SLC25A13: variants seen among roughly 807,000 people sequenced by gnomAD.
SLC25A13 encodes electrogenic aspartate/glutamate antiporter SLC25A13, mitochondrial.
Under a neutral mutation model 85.5 loss-of-function variants are expected in SLC25A13, and 70 were observed. The ratio of observed to expected loss-of-function variants is 0.82; its 90% CI spans 0.68 to 1.00. The LOEUF (loss-of-function observed/expected upper bound fraction) is 1.00, where lower values mean the gene tolerates loss of function less well. Among genes scored for constraint, SLC25A13 ranks in the 50% least tolerant of loss-of-function variants. SLC25A13 has a pLI of 0.00. For missense variants in SLC25A13, 765 were observed against 819.8 expected (o/e 0.93, Z 0.82); for synonymous variants, 259 against 288.7 (o/e 0.90, Z 1.04).
intron 14 of SLC25A13, among the ~76,000 whole-genome samples, chr7:96,134,548 A>C (rs1366751260): frequency 6.6e-6 from 1 of 151,970 alleles, no homozygotes; most frequent in African/African-American, 2.4e-5. Context: ...AACATCCCTG[A>C]GGCACAGGAA....
intron 4 of SLC25A13, among the ~76,000 whole-genome samples, chr7:96,212,847 G>T (rs572771298): frequency 6.6e-6 from 1 of 152,248 alleles, no homozygotes; most frequent in East Asian, 1.9e-4. Flanking sequence ...AAAAAGGCCT[G>T]AAGTTGTTTA....
chr7:96,130,527 C>T (rs1250920380), intron 15 of SLC25A13, among the ~76,000 whole-genome samples: 3 of 152,172 alleles, frequency 2.0e-5, no homozygotes, highest in Non-Finnish European at 4.4e-5. Context: ...CAAGGTCACA[C>T]ATTAATAAGT....
intron 4 of SLC25A13, among the ~76,000 whole-genome samples, chr7:96,220,655 T>C (rs1183574297): frequency 6.6e-6 from 1 of 152,154 alleles, no homozygotes; most frequent in Non-Finnish European, 1.5e-5. Context: ...TTTAAAATAG[T>C]CAAATTTTCC....
intron 1 of SLC25A13, 61 bp downstream of exon 1, chr7:96,321,881 C>T (rs1462061210): frequency 2.7e-6 from 4 of 1,490,264 alleles, no homozygotes; most frequent in Non-Finnish European, 3.6e-6. Context: ...GCGCCCGAGC[C>T]TCTCGCACCC....
chr7:96,302,437 G>C (rs1255091680), intron 1 of SLC25A13, among the ~76,000 whole-genome samples: 1 of 152,140 alleles, frequency 6.6e-6, no homozygotes, highest in Non-Finnish European at 1.5e-5. Flanking sequence ...GGTATAGAAT[G>C]GTGTATTCAA....
At chr7:96,245,818 A>G (rs1257330460) in intron 3 of SLC25A13, among the ~76,000 whole-genome samples, 3 of 152,246 alleles carry the variant, frequency 2.0e-5, no homozygotes, top group Non-Finnish European at 4.4e-5. Flanking sequence ...AAAAAGGGAA[A>G]AGTAATTGTA....
chr7:96,169,983 A>C (rs1299765833), intron 13 of SLC25A13, 62 bp downstream of exon 13: 1 of 1,496,104 alleles, frequency 6.7e-7, no homozygotes, highest in Non-Finnish European at 9.3e-7. Context: ...CCTGTTGACC[A>C]TGGTAGTGAT....
chr7:96,191,096 T>A lies in SLC25A13; in HGVS notation c.754+13A>T. ...ATACTTGCAGGCTAGAATTCAGATA[T>A]ATTCTCACTCACCCTTAGTCACTTC... On this transcript the variant is annotated intron_variant, in intron 7 of 17. Transcript: ENST00000265631. 1 of 1,613,902 alleles carries A rather than the reference T, an allele frequency of 6.2e-7. No individual in the cohort carries two copies. Among genetic ancestry groups the A allele is most frequent in the Admixed American group, 1.7e-5 (1 of 60,018 alleles).
At chr7:96,145,622 A>G (rs1334830537) in intron 14 of SLC25A13, among the ~76,000 whole-genome samples, 3 of 152,214 alleles carry the variant, frequency 2.0e-5, no homozygotes, top group Non-Finnish European at 4.4e-5. Context: ...TGCAGGAACA[A>G]TATCATACAT....
chr7:96,319,659 C>T (rs1800264823), intron 1 of SLC25A13, among the ~76,000 whole-genome samples: 1 of 152,098 alleles, frequency 6.6e-6, no homozygotes, highest in Non-Finnish European at 1.5e-5. Context: ...ATGCAATCAC[C>T]TCTAGTAAGC....
At chr7:96,241,738 A>T (rs1797005816) in intron 3 of SLC25A13, among the ~76,000 whole-genome samples, 1 of 152,228 alleles carries the variant, frequency 6.6e-6, no homozygotes, top group Non-Finnish European at 1.5e-5. Context: ...ATAAAAATTC[A>T]TATGAAACAA....
Position 96,318,063 on chromosome 7 carries a change from C to T in SLC25A13, c.15+3879G>A, listed in dbSNP as rs1182753415. Among the ~76,000 whole-genome samples, 4 of 152,154 alleles carry T rather than the reference C, an allele frequency of 2.6e-5. No homozygotes were observed. In the East Asian group the frequency reaches 7.7e-4, roughly 29 times the overall value. On this transcript the variant is annotated intron_variant, in intron 1 of 17. Coordinates refer to ENST00000265631, the MANE Select transcript of SLC25A13 (RefSeq NM_014251.3). The stretch of plus-strand genomic sequence containing the variant: ...ATCAATGATCACAGCAACAACTCAT[C>T]CAAGAATGAAAAGTCAATACAAAGT...
intron 15 of SLC25A13, among the ~76,000 whole-genome samples, chr7:96,123,568 T>C (rs1466920104): frequency 6.6e-6 from 1 of 152,224 alleles, no homozygotes; most frequent in Non-Finnish European, 1.5e-5. Context: ...CCTAGTAAGT[T>C]GCCTGGCAAA....
chr7:96,198,600 A>G (rs1032838244), intron 5 of SLC25A13, among the ~76,000 whole-genome samples: 4 of 152,250 alleles, frequency 2.6e-5, no homozygotes, highest in Admixed American at 6.5e-5. Context: ...TAACTAGCCT[A>G]AAGTCACACA....
At chr7:96,242,590 A>G (rs1163404710) in intron 3 of SLC25A13, among the ~76,000 whole-genome samples, 1 of 152,186 alleles carries the variant, frequency 6.6e-6, no homozygotes, top group East Asian at 1.9e-4. Flanking sequence ...TTCCCTCTGA[A>G]GCCTGCTACC....
chr7:96,228,913 C>T (rs1177728826), intron 4 of SLC25A13, among the ~76,000 whole-genome samples: 2 of 152,160 alleles, frequency 1.3e-5, no homozygotes, highest in South Asian at 2.1e-4. Flanking sequence ...ACGCTGCACT[C>T]GAATTCTCAC....
intron 13 of SLC25A13, among the ~76,000 whole-genome samples, chr7:96,156,477 A>G (rs1793268101): frequency 6.6e-6 from 1 of 150,618 alleles, no homozygotes; most frequent in Non-Finnish European, 1.5e-5. Context: ...TTTGAGACAG[A>G]ATCTCCGTCT....
intron 3 of SLC25A13, among the ~76,000 whole-genome samples, chr7:96,263,000 C>T (rs1451286931): frequency 7.0e-6 from 1 of 142,470 alleles, no homozygotes; most frequent in Admixed American, 7.4e-5. Flanking sequence ...TATTCATTTC[C>T]TTCATCCTTT....
intron 3 of SLC25A13, among the ~76,000 whole-genome samples, chr7:96,262,385 TG>T (rs924093680): frequency 2.0e-5 from 3 of 152,312 alleles, no homozygotes; most frequent in African/African-American, 7.2e-5. Flanking sequence ...GGGAAGAATA[TG>T]GAAGAACTGT....
Sources: allele counts gnomAD v4.1 joint callset (sites outside exome capture counted in the v4.1 genomes callset), GRCh38; gene constraint gnomAD v4.1.1; transcripts MANE v1.5; gene names NCBI Gene and HGNC (gene_info 2026-07-23, HGNC 2026-07-21).